PDE1A: variants seen among roughly 807,000 people sequenced by gnomAD.
PDE1A encodes the protein dual specificity calcium/calmodulin-dependent 3',5'-cyclic nucleotide phosphodiesterase 1A.
PDE1A carries 35 observed loss-of-function variants against 61.7 expected under a neutral mutation model. That is an observed-to-expected ratio of 0.57 (90% CI 0.43 to 0.75). The LOEUF (loss-of-function observed/expected upper bound fraction) is 0.75. PDE1A is among the 30% of genes least tolerant of loss of function. The pLI is 0.00. For missense variants in PDE1A, 597 were observed against 630.6 expected, an observed-to-expected ratio of 0.95 and a Z score of 0.57; for synonymous variants, 232 against 213.2, an observed-to-expected ratio of 1.09 and a Z score of -0.77.
intron 2 of PDE1A, among the ~76,000 whole-genome samples, chr2:182,512,640 T>C (rs1007781258): frequency 7.2e-5 from 11 of 152,204 alleles, no homozygotes; most frequent in Admixed American, 3.3e-4. Flanking sequence ...AGAATCTGGA[T>C]GGCATGGAAA....
the PDE1A span, among the ~76,000 whole-genome samples, chr2:182,540,200 C>A: frequency 6.6e-6 from 1 of 151,830 alleles, no homozygotes; most frequent in Non-Finnish European, 1.5e-5. Flanking sequence ...ACCGTCTCTA[C>A]TAAAAATACA....
At chr2:182,318,538 C>T (rs1019975119) in intron 1 of PDE1A, among the ~76,000 whole-genome samples, 1 of 152,138 alleles carries the variant, frequency 6.6e-6, no homozygotes, top group Non-Finnish European at 1.5e-5. Context: ...GGTGCTAAGG[C>T]TGTTTTGCCG....
chr2:182,597,133 C>T, the PDE1A span, among the ~76,000 whole-genome samples: 1 of 151,026 alleles, frequency 6.6e-6, no homozygotes, highest in Non-Finnish European at 1.5e-5. Flanking sequence ...GCCTGGGCAA[C>T]AGAGTGAGAC....
At chr2:182,449,862 C>T (rs529248004) in intron 2 of PDE1A, among the ~76,000 whole-genome samples, 58 of 152,060 alleles carry the variant, frequency 3.8e-4, no homozygotes, top group Middle Eastern at 6.8e-3. Context: ...GCCCTAATAA[C>T]TGAAGAGAAT....
At chr2:182,626,727 A>ATG in the PDE1A span, among the ~76,000 whole-genome samples, 2 of 12,384 alleles carry the variant, frequency 1.6e-4, no homozygotes, top group Non-Finnish European at 3.2e-4. Flanking sequence ...TTATATATAT[A>ATG]TATATATATA....
chr2:182,262,955 A>ATGTGTGTGTGTG (rs60469609), intron 2 of PDE1A, among the ~76,000 whole-genome samples: 5,684 of 147,186 alleles, frequency 0.039, 156 homozygotes, highest in African/African-American at 0.081. Flanking sequence ...TTATTAAACA[A>ATGTGTGTGTGTG]TGTGTGTGTG....
At chr2:182,290,616 A>G (rs1559300911) in intron 1 of PDE1A, among the ~76,000 whole-genome samples, 2 of 151,976 alleles carry the variant, frequency 1.3e-5, no homozygotes, top group Non-Finnish European at 2.9e-5. Context: ...CTGTATTTCT[A>G]TGGCTTGTAT....
chr2:182,539,572 T>C, the PDE1A span, among the ~76,000 whole-genome samples: 6 of 152,228 alleles, frequency 3.9e-5, no homozygotes, highest in Non-Finnish European at 7.3e-5. Flanking sequence ...ATTTGGTTCA[T>C]TGTTTGTTAG....
chr2:182,168,244 T>A (rs1416967729), exon 14 of PDE1A: 1 of 1,592,626 alleles, frequency 6.3e-7, no homozygotes, highest in African/African-American at 1.4e-5. Flanking sequence ...TACTTAAAGG[T>A]GTTTACTGAT....
At chr2:182,570,021 C>A in the PDE1A span, among the ~76,000 whole-genome samples, 8 of 152,168 alleles carry the variant, frequency 5.3e-5, no homozygotes, top group Non-Finnish European at 2.9e-5. Flanking sequence ...GTGCTGTGTT[C>A]CCAATCATGT....
chr2:182,324,933 A>T (rs909493099), intron 1 of PDE1A, among the ~76,000 whole-genome samples: 19 of 152,170 alleles, frequency 1.2e-4, no homozygotes, highest in African/African-American at 4.6e-4. Context: ...ACAAATTCTG[A>T]GGTAGACACT....
chr2:182,669,334 T>G, the PDE1A span, among the ~76,000 whole-genome samples: 1 of 152,222 alleles, frequency 6.6e-6, no homozygotes, highest in East Asian at 1.9e-4. Flanking sequence ...TTAATTAAAG[T>G]GATGGGAATT....
In PDE1A at chr2:182,487,045, T is replaced by C. The variant is rs574427592; in HGVS notation, c.101+35231A>G. The stretch of plus-strand genomic sequence containing the variant: ...TTGGACAAAGCACTTGTGACCAGAA[T>C]TGATAAAGGACTCTTAAAACTCAAA... On this transcript the variant is annotated intron_variant, in intron 2 of 14. Coordinates refer to the PDE1A transcript ENST00000410103. Among the ~76,000 whole-genome samples, 13 of 152,244 alleles carry C rather than the reference T, an allele frequency of 8.5e-5. No individual in the cohort carries two copies. The South Asian group carries it at 2.5e-3, about 29-fold the overall frequency.
At chr2:182,593,619 T>C in the PDE1A span, among the ~76,000 whole-genome samples, 1 of 152,232 alleles carries the variant, frequency 6.6e-6, no homozygotes, top group Non-Finnish European at 1.5e-5. Context: ...CCAAGCAGCA[T>C]CTTATACTAA....
the PDE1A span, among the ~76,000 whole-genome samples, chr2:182,535,949 G>A: frequency 6.6e-6 from 1 of 152,248 alleles, no homozygotes; most frequent in South Asian, 2.1e-4. Flanking sequence ...TAAACAGTCT[G>A]CCTTAAAAGA....
chr2:182,215,528 T>C (rs926576001), intron 7 of PDE1A, among the ~76,000 whole-genome samples: 14 of 149,428 alleles, frequency 9.4e-5, no homozygotes, highest in African/African-American at 3.2e-4. Context: ...GCAAGACTAA[T>C]AAAGAAAAAA....
At chr2:182,181,526 G>A (rs1462472313) in intron 13 of PDE1A, among the ~76,000 whole-genome samples, 3 of 152,204 alleles carry the variant, frequency 2.0e-5, no homozygotes, top group African/African-American at 7.2e-5. Flanking sequence ...CAGTCAAGAG[G>A]CGCAAAGTCA....
chr2:182,370,632 A>C (rs1700079895), intron 1 of PDE1A, among the ~76,000 whole-genome samples: 1 of 152,206 alleles, frequency 6.6e-6, no homozygotes, highest in South Asian at 2.1e-4. Context: ...GACTGCTGTT[A>C]GATTTAAAAT....
chr2:182,174,394 A>G (rs941531690), intron 13 of PDE1A, among the ~76,000 whole-genome samples: 4 of 152,130 alleles, frequency 2.6e-5, no homozygotes, highest in Non-Finnish European at 5.9e-5. Flanking sequence ...TATTGTTCCA[A>G]TAACAACTTT....
Sources: allele counts gnomAD v4.1 joint callset (sites outside exome capture counted in the v4.1 genomes callset), GRCh38; gene constraint gnomAD v4.1.1; transcripts MANE v1.5; gene names NCBI Gene and HGNC (gene_info 2026-07-23, HGNC 2026-07-21).